The following RCHY1 variants were observed in gnomAD, a reference collection of about 807,000 sequenced individuals.
RCHY1 encodes the protein ring finger and CHY zinc finger domain containing 1.
A neutral mutation model predicts 41.6 loss-of-function variants in RCHY1; 21 were observed. That is an observed-to-expected ratio of 0.51 (90% CI 0.36 to 0.73). The LOEUF (loss-of-function observed/expected upper bound fraction) is 0.73. Among genes scored for constraint, RCHY1 ranks in the 30% least tolerant of loss-of-function variants. The probability of loss-of-function intolerance (pLI) is 0.00; values close to 1 mark genes in which losing one functional copy is unlikely to be tolerated. For synonymous variants in RCHY1, 79 were observed against 102.9 expected (o/e 0.77, Z 1.41); for missense variants, 265 against 325.3 (o/e 0.81, Z 1.43).
intron 3 of RCHY1, among the ~76,000 whole-genome samples, chr4:75,500,038 G>A (rs562531953): frequency 3.0e-4 from 46 of 152,286 alleles, no homozygotes; most frequent in Admixed American, 4.6e-4. Context: ...CTACCCAGGA[G>A]GCTGAGGTGG....
rs1034799749 is a variant in RCHY1, at chr4:75,481,371, A to G, written c.*1167T>C. The G allele has an allele frequency of 6.6e-6, 1 of 152,254 alleles. No individual in the cohort carries two copies. The highest frequency in any genetic ancestry group is 1.5e-5 in the Non-Finnish European group (1 of 68,042). 9.4% of individuals were successfully genotyped at this position (152,254 alleles called of 1,614,324 possible). On this transcript the variant is annotated 3_prime_UTR_variant, in exon 9 of 9. Coordinates refer to ENST00000324439, the MANE Select transcript of RCHY1 (RefSeq NM_015436.4). ...CTGATAAATGTACATTTTACATCCT[A>G]GCCTAATGGTAAAGCTATTACGGAG...
intron 3 of RCHY1, among the ~76,000 whole-genome samples, chr4:75,505,468 C>T (rs1254565868): frequency 6.6e-6 from 1 of 152,016 alleles, no homozygotes; most frequent in East Asian, 1.9e-4. Flanking sequence ...AATAAATCAA[C>T]CAATAAAAGA....
chr4:75,484,265 G>C (rs1721797416), intron 8 of RCHY1, among the ~76,000 whole-genome samples: 1 of 152,146 alleles, frequency 6.6e-6, no homozygotes, highest in South Asian at 2.1e-4. Flanking sequence ...AGGAATCATG[G>C]TAAGTTCTCA....
In RCHY1 at chr4:75,491,735, A is replaced by T; in HGVS notation, c.498T>A (p.His166Gln). The change falls in exon 6 of 9, where the codon CAT becomes CAA. Residue 166 changes from histidine to glutamine, a missense_variant. Physicochemically the swap from His to Gln is conservative, Grantham distance 24. Transcript: ENST00000324439. ...RVVAHVLPCG[H>Q]LLHRTCYEEM... Reference sequence around the variant, plus strand: ...AGATGTTACTTTACCTATGTAAAAGATGTCCACATGGCAAGACATGAGCAA... The same window carrying T: ...AGATGTTACTTTACCTATGTAAAAGTTGTCCACATGGCAAGACATGAGCAA... 1.2e-6 allele frequency: 2 copies of T among 1,612,786 alleles called. No homozygotes were observed. Among genetic ancestry groups the T allele is most frequent in the Non-Finnish European group, 1.7e-6 (2 of 1,179,136 alleles).
rs147250391 is a variant in RCHY1 at position 75,482,563 on chromosome 4, C to G, written c.761G>C (p.Arg254Pro). 2.4e-5 allele frequency: 39 copies of G among 1,609,406 alleles called. No individual in the cohort carries two copies. The highest frequency in any genetic ancestry group is 2.8e-5 in the Non-Finnish European group (33 of 1,177,464). ...ESYNTAQAGGRRISLDQQ is the reference protein window; with the variant it reads ...ESYNTAQAGGPRISLDQQ ...TCATTGCTGATCCAGTGAAATTCTACGTCCTCCAGCTTGAGCAGTATTATA... is the reference window on the plus strand; with the variant it reads ...TCATTGCTGATCCAGTGAAATTCTAGGTCCTCCAGCTTGAGCAGTATTATA... The change falls in exon 9 of 9, where the codon CGT (arginine) becomes CCT (proline). Residue 254 changes from arginine (R) to proline (P), a missense_variant. Physicochemically the swap from Arg to Pro is moderately radical, Grantham distance 103. Coordinates refer to ENST00000324439, the MANE Select transcript of RCHY1 (RefSeq NM_015436.4).
Position 75,493,140 on chromosome 4 carries a change from C to T in RCHY1, c.405+961G>A, listed in dbSNP as rs368517028. Among the ~76,000 whole-genome samples the T allele has an allele frequency of 5.3e-5, 8 of 152,050 alleles. No individual in the cohort carries two copies. In the South Asian group the frequency reaches 1.4e-3, roughly 28 times the overall value. On this transcript the variant is annotated intron_variant, in intron 4 of 8. Coordinates refer to ENST00000324439, the MANE Select transcript of RCHY1 (RefSeq NM_015436.4). ...TGGCTATCTCCATTAGCATAGCTTGCCATCACCCCAAACTCAAGTTTAAAA... is the reference window on the plus strand; with the variant it reads ...TGGCTATCTCCATTAGCATAGCTTGTCATCACCCCAAACTCAAGTTTAAAA...
In RCHY1 at chr4:75,491,788, A is replaced by T; in HGVS notation, c.451-6T>A. ...ACACGGGATGTGTGAATGTCCTGTA[A>T]ATGAAATAAATGTTAGTGCTTGTAT... On this transcript the variant is annotated splice_polypyrimidine_tract_variant and splice_region_variant and intron_variant, in intron 5 of 8. Transcript: ENST00000324439. The T allele has an allele frequency of 6.2e-7, 1 of 1,612,608 alleles. No homozygotes were observed. The highest frequency in any genetic ancestry group is 1.1e-5 in the South Asian group (1 of 90,876).
chr4:75,497,246 C>T (rs1178932239), intron 3 of RCHY1, among the ~76,000 whole-genome samples: 2 of 152,148 alleles, frequency 1.3e-5, no homozygotes, highest in Non-Finnish European at 2.9e-5. Flanking sequence ...TTGAGCCTAA[C>T]GCTGCCTCCT....
chr4:75,488,605 T>C (rs1408351343), intron 8 of RCHY1, among the ~76,000 whole-genome samples: 1 of 152,174 alleles, frequency 6.6e-6, no homozygotes, highest in Non-Finnish European at 1.5e-5. Context: ...ATTGTTTAGA[T>C]TTCAATCAAT....
chr4:75,501,693 T>C (rs1723775928), intron 3 of RCHY1, among the ~76,000 whole-genome samples: 1 of 152,234 alleles, frequency 6.6e-6, no homozygotes, highest in East Asian at 1.9e-4. Flanking sequence ...CCTAATTATG[T>C]TCCACTGAAC....
In RCHY1 at chr4:75,514,314, G is replaced by T; in HGVS notation, c.-28C>A. On this transcript the variant is annotated 5_prime_UTR_variant, in exon 1 of 9. Coordinates refer to ENST00000324439, the MANE Select transcript of RCHY1 (RefSeq NM_015436.4). ...CCTCCACCTCCCCTCACATTCCACC[G>T]ATCCTTCCCCCAGGATAAAAACCAC... The T allele has an allele frequency of 6.3e-7, 1 of 1,599,610 alleles. No individual in the cohort carries two copies. Among genetic ancestry groups the T allele is most frequent in the Admixed American group, 1.7e-5 (1 of 59,622 alleles).
chr4:75,501,971 G>A (rs894182342), intron 3 of RCHY1, among the ~76,000 whole-genome samples: 1 of 151,970 alleles, frequency 6.6e-6, no homozygotes, highest in African/African-American at 2.4e-5. Context: ...CCAGCTACTC[G>A]GGAGGCTGAG....
chr4:75,490,686 T>C lies in RCHY1; in HGVS notation c.552A>G (p.Pro184=), dbSNP rs1172156343. 2.5e-6 allele frequency: 4 copies of C among 1,607,724 alleles called. No individual in the cohort carries two copies. Among genetic ancestry groups the C allele is most frequent in the Non-Finnish European group, 3.4e-6 (4 of 1,174,978 alleles). ...TATCTAAAGCAGAGTGCATACATAA[T>C]GGACATCTGTAGCCTCTGAAAGAGA... is the stretch of plus-strand genomic sequence containing the variant. ...EEMLKEGYRC[P]LCMHSALDMT... Residue 184 remains proline (P), a synonymous_variant, in exon 8 of 9, where the codon CCA becomes CCG. Coordinates refer to ENST00000324439, the MANE Select transcript of RCHY1 (RefSeq NM_015436.4).
Position 75,491,761 on chromosome 4 carries a change from C to T in RCHY1, c.472G>A (p.Val158Ile). The change falls in exon 6 of 9, where the codon GTT (valine) becomes ATT (isoleucine). Residue 158 changes from valine (V) to isoleucine (I), a missense_variant. Transcript: ENST00000324439. The stretch of plus-strand genomic sequence containing the variant: ...TGTCCACATGGCAAGACATGAGCAA[C>T]AACACGGGATGTGTGAATGTCCTGT... ...CLEDIHTSRV[V>I]AHVLPCGHLL... The T allele has an allele frequency of 1.2e-6, 2 of 1,612,924 alleles. No individual in the cohort carries two copies. Among genetic ancestry groups the T allele is most frequent in the Non-Finnish European group, 8.5e-7 (1 of 1,179,272 alleles).
intron 8 of RCHY1, among the ~76,000 whole-genome samples, chr4:75,487,880 AAT>A (rs1186017167): frequency 2.9e-4 from 30 of 101,970 alleles, no homozygotes; most frequent in African/African-American, 8.6e-4. Context: ...ATATATTCAT[AAT>A]ATATATATTC....
At chr4:75,484,452 T>C (rs959425973) in intron 8 of RCHY1, among the ~76,000 whole-genome samples, 3 of 152,054 alleles carry the variant, frequency 2.0e-5, no homozygotes, top group Non-Finnish European at 2.9e-5. Context: ...GCACAGTAAA[T>C]GGCAAAACAG....
intron 1 of RCHY1, among the ~76,000 whole-genome samples, chr4:75,513,095 T>C (rs1240356193): frequency 1.3e-5 from 2 of 152,146 alleles, no homozygotes; most frequent in African/African-American, 4.8e-5. Flanking sequence ...GCATTCAATT[T>C]CCTTACACAA....
At chr4:75,501,019 T>C (rs1045799616) in intron 3 of RCHY1, among the ~76,000 whole-genome samples, 3 of 152,136 alleles carry the variant, frequency 2.0e-5, no homozygotes, top group Non-Finnish European at 4.4e-5. Flanking sequence ...AAAATATGTA[T>C]ATATTTTTAG....
intron 3 of RCHY1, among the ~76,000 whole-genome samples, chr4:75,501,311 T>C (rs946565319): frequency 6.6e-6 from 1 of 152,220 alleles, no homozygotes; most frequent in Non-Finnish European, 1.5e-5. Context: ...GCCCAGCTCT[T>C]TTAATATTTT....
Sources: allele counts gnomAD v4.1 joint callset (sites outside exome capture counted in the v4.1 genomes callset), GRCh38; gene constraint gnomAD v4.1.1; transcripts MANE v1.5; gene names NCBI Gene and HGNC (gene_info 2026-07-23, HGNC 2026-07-21).